Variants in PINX1 observed in about 807,000 individuals in gnomAD.
The protein encoded by PINX1 is PIN2/TERF1-interacting telomerase inhibitor 1.
PINX1 carries 34 observed loss-of-function variants against 25.4 expected under a neutral mutation model. The ratio of observed to expected loss-of-function variants is 1.34; its 90% CI spans 1.02 to 1.78. The LOEUF (loss-of-function observed/expected upper bound fraction) is 1.78, where lower values mean the gene tolerates loss of function less well. Ranked by LOEUF, PINX1 falls within the 40% of genes most tolerant of loss-of-function variation. The pLI is 0.00. For synonymous variants in PINX1, 197 were observed against 147.7 expected (o/e 1.33, Z -2.42); for missense variants, 592 against 404.9 (o/e 1.46, Z -3.97).
chr8:10,776,423 C>CAATAAATAAATA (rs201127460), intron 6 of PINX1, among the ~76,000 whole-genome samples: 51 of 145,108 alleles, frequency 3.5e-4, no homozygotes, highest in South Asian at 6.7e-4. Flanking sequence ...AGACTCCGCT[C>CAATAAATAAATA]AATAAATAAA....
chr8:10,775,846 GT>G (rs1421187684), intron 6 of PINX1, among the ~76,000 whole-genome samples: 1 of 152,106 alleles, frequency 6.6e-6, no homozygotes, highest in Non-Finnish European at 1.5e-5. Flanking sequence ...TTTCAACATA[GT>G]TTTTTCACAT....
At chr8:10,814,932 A>C (rs1797653908) in intron 6 of PINX1, among the ~76,000 whole-genome samples, 1 of 152,206 alleles carries the variant, frequency 6.6e-6, no homozygotes, top group East Asian at 1.9e-4. Context: ...ACAGTGAAGC[A>C]ATTTCTTCTT....
intron 6 of PINX1, among the ~76,000 whole-genome samples, chr8:10,773,446 C>T (rs767363645): frequency 2.0e-5 from 3 of 152,176 alleles, no homozygotes; most frequent in Non-Finnish European, 4.4e-5. Flanking sequence ...CTCTCAGCAA[C>T]CCAGTAAGTA....
intron 5 of PINX1, among the ~76,000 whole-genome samples, chr8:10,822,404 G>T (rs1236785723): frequency 6.6e-6 from 1 of 152,202 alleles, no homozygotes; most frequent in African/African-American, 2.4e-5. Flanking sequence ...GAAGAAAACT[G>T]AATAGGAAAC....
intron 4 of PINX1, among the ~76,000 whole-genome samples, chr8:10,831,210 G>A (rs1260011327): frequency 1.3e-5 from 2 of 152,126 alleles, no homozygotes; most frequent in African/African-American, 2.4e-5. Flanking sequence ...ACATATTCTC[G>A]TTCATATGGA....
At chr8:10,803,052 A>AT (rs1377313661) in intron 6 of PINX1, among the ~76,000 whole-genome samples, 11 of 152,206 alleles carry the variant, frequency 7.2e-5, no homozygotes, top group African/African-American at 2.4e-4. Flanking sequence ...GACTAAATAA[A>AT]TATTAAAGAA....
chr8:10,835,822 T>A (rs1412045885), intron 1 of PINX1, among the ~76,000 whole-genome samples: 2 of 152,088 alleles, frequency 1.3e-5, no homozygotes, highest in Non-Finnish European at 2.9e-5. Flanking sequence ...GGAAGGAGTA[T>A]AACTGAATTA....
intron 6 of PINX1, among the ~76,000 whole-genome samples, chr8:10,786,216 G>A (rs1801742979): frequency 6.6e-6 from 1 of 152,168 alleles, no homozygotes; most frequent in Non-Finnish European, 1.5e-5. Flanking sequence ...CATTTTAGGT[G>A]AATTTCTTGG....
At chr8:10,797,589 A>G (rs1460800754) in intron 6 of PINX1, among the ~76,000 whole-genome samples, 1 of 152,228 alleles carries the variant, frequency 6.6e-6, no homozygotes, top group Non-Finnish European at 1.5e-5. Context: ...ATTTTATTCA[A>G]AATAAAAAGA....
chr8:10,821,645 C>G (rs1184114471), intron 5 of PINX1, among the ~76,000 whole-genome samples: 1 of 152,198 alleles, frequency 6.6e-6, no homozygotes. Flanking sequence ...AAGAGGTGGA[C>G]AAACTCATCG....
chr8:10,789,592 G>A (rs1033929579), intron 6 of PINX1, among the ~76,000 whole-genome samples: 5 of 152,226 alleles, frequency 3.3e-5, no homozygotes, highest in South Asian at 2.1e-4. Flanking sequence ...AGTGGTCAGA[G>A]GAGTAGCATT....
chr8:10,835,073 C>T (rs1368631841), intron 1 of PINX1, among the ~76,000 whole-genome samples: 3 of 152,176 alleles, frequency 2.0e-5, no homozygotes, highest in Non-Finnish European at 2.9e-5. Flanking sequence ...TTCCATACTC[C>T]GCCATCAGCA....
chr8:10,805,478 A>C (rs997339511), intron 6 of PINX1, among the ~76,000 whole-genome samples: 3 of 149,832 alleles, frequency 2.0e-5, no homozygotes, highest in African/African-American at 7.4e-5. Context: ...CACAGGAAGA[A>C]GCCACACTAG....
At chr8:10,769,371 G>A (rs1366094396) in intron 6 of PINX1, among the ~76,000 whole-genome samples, 1 of 152,178 alleles carries the variant, frequency 6.6e-6, no homozygotes, top group Non-Finnish European at 1.5e-5. Context: ...TGCATCACAT[G>A]TGTCAAAAAC....
intron 5 of PINX1, among the ~76,000 whole-genome samples, chr8:10,821,270 T>A (rs941035240): frequency 3.9e-5 from 6 of 152,224 alleles, no homozygotes; most frequent in African/African-American, 1.4e-4. Flanking sequence ...AAGGTTCTAG[T>A]TCACTATCAC....
chr8:10,834,892 T>C (rs982112451), intron 1 of PINX1, 117 bp from the exon 2 acceptor site: 1 of 662,126 alleles, frequency 1.5e-6, no homozygotes, highest in Non-Finnish European at 2.6e-6. Context: ...ATGACATACA[T>C]TACAATACAG....
intron 6 of PINX1, among the ~76,000 whole-genome samples, chr8:10,808,199 T>C (rs1041015755): frequency 2.0e-5 from 3 of 152,166 alleles, no homozygotes; most frequent in Non-Finnish European, 4.4e-5. Flanking sequence ...GTAGTTTGAG[T>C]GGTGTAAAGG....
intron 6 of PINX1, among the ~76,000 whole-genome samples, chr8:10,811,715 C>T (rs1009802845): frequency 1.3e-4 from 20 of 152,280 alleles, no homozygotes; most frequent in Middle Eastern, 3.4e-3. Context: ...GGTCTCTCCA[C>T]GGGGGCTTGC....
chr8:10,822,507 T>G (rs1797909040), intron 5 of PINX1, among the ~76,000 whole-genome samples: 1 of 152,232 alleles, frequency 6.6e-6, no homozygotes, highest in Admixed American at 6.5e-5. Flanking sequence ...TGAAAGTTCC[T>G]GCAAGGATGA....
Sources: gnomAD v4.1 joint callset for allele counts (sites outside exome capture counted in the v4.1 genomes callset) on GRCh38, gnomAD v4.1.1 for gene constraint, MANE v1.5 for transcripts, NCBI Gene and HGNC (gene_info 2026-07-23, HGNC 2026-07-21) for gene names.